Variants in ZMYM3 observed in about 807,000 individuals in gnomAD.
The protein encoded by ZMYM3 is zinc finger MYM-type containing 3, also known as zinc finger MYM-type protein 3.
Under a neutral mutation model 94.2 loss-of-function variants are expected in ZMYM3, and 6 were observed. The ratio of observed to expected loss-of-function variants is 0.06; its 90% CI spans 0.03 to 0.13. The LOEUF is 0.13. Among genes scored for constraint, ZMYM3 ranks in the 10% least tolerant of loss-of-function variants. The pLI is 1.00. For missense variants in ZMYM3, 664 were observed against 1,132.6 expected (o/e 0.59, Z 5.94); for synonymous variants, 420 against 426.5 (o/e 0.98, Z 0.19).
chrX:71,254,699 C>G (rs1028069924), upstream of ZMYM3: 1 of 110,312 alleles, frequency 9.1e-6, no homozygotes, highest in Non-Finnish European at 1.9e-5. Flanking sequence ...TACCCTCCCC[C>G]ATCCCCACCT....
In ZMYM3 at chrX:71,247,913, A is replaced by C; in HGVS notation, c.1976-7T>G. The C allele has an allele frequency of 1.7e-6, 2 of 1,179,868 alleles. No homozygotes were observed. The highest frequency in any genetic ancestry group is 2.4e-5 in the Admixed American group (1 of 41,241). On this transcript the variant is annotated splice_region_variant and splice_polypyrimidine_tract_variant and intron_variant, in intron 11 of 24. Coordinates refer to ENST00000314425, the MANE Select transcript of ZMYM3 (RefSeq NM_201599.3). ...TTGTACAGCAGCACACAGCCTGGAA[A>C]GAGGAGAAGAGGAAAGAGAGTCCAG...
rs2030552283 is a variant in ZMYM3 at position 71,252,770 on chromosome X, G to A, written c.486C>T (p.Thr162=). ...LQSPHIEEEE[T]TSIATARRGS... ...CCCTTCTTGCAGTAGCTATGGAGGT[G>A]GTCTCCTCCTCTTCAATATGTGGGG... The change falls in exon 2 of 25, where the codon ACC becomes ACT. Residue 162 remains threonine (T), a synonymous_variant. Coordinates refer to ENST00000314425, the MANE Select transcript of ZMYM3 (RefSeq NM_201599.3). 8.3e-7 allele frequency: 1 copy of A among 1,210,515 alleles called. No individual in the cohort carries two copies. Among genetic ancestry groups the A allele is most frequent in the African/African-American group, 1.7e-5 (1 of 57,370 alleles).
chrX:71,245,251 G>A, intron 18 of ZMYM3, 88 bp downstream of exon 18: 1 of 1,125,509 alleles, frequency 8.9e-7, no homozygotes, highest in Non-Finnish European at 1.2e-6. Flanking sequence ...ACACTTTTCA[G>A]GGTCATGCTC....
In ZMYM3 at chrX:71,245,851, AC is replaced by A. The variant is rs779087607; in HGVS notation, c.2686-10del. 1.0e-5 allele frequency: 12 copies of A among 1,204,186 alleles called. No individual in the cohort carries two copies. In the Admixed American group the frequency reaches 1.8e-4, roughly 18 times the overall value. On this transcript the variant is annotated splice_polypyrimidine_tract_variant and intron_variant, in intron 16 of 24. Transcript: ENST00000314425. Reference sequence around the variant, plus strand: ...AACATGGGCACAGGCACCTGGAGGCACGAATCCCAACTAAATGCCAAGAACC... The same window carrying A: ...AACATGGGCACAGGCACCTGGAGGCAGAATCCCAACTAAATGCCAAGAACC...
chrX:71,246,476 T>TGGGGGGTG lies in ZMYM3; in HGVS notation c.2448_2449insCACCCCCC (p.Thr817HisfsTer25). On this transcript the variant is annotated frameshift_variant, in exon 15 of 25. Coordinates refer to ENST00000314425, the MANE Select transcript of ZMYM3 (RefSeq NM_201599.3). LOFTEE classifies it high-confidence loss of function. ...GCTGGGGGTGGTGGGGGTGGAGGGG[T>TGGGGGGTG]GGGAGCAGTGGGAGCTGATCGGGTC... 1 of 100,744 alleles carries TGGGGGGTG rather than the reference T, an allele frequency of 9.9e-6. No homozygotes were observed. The highest frequency in any genetic ancestry group is 1.8e-5 in the Non-Finnish European group (1 of 56,505). The allele number at this position is 100,744 out of a possible 1,213,427, so 8.3% of individuals were successfully genotyped here.
In ZMYM3 at chrX:71,250,435, T is replaced by C. The variant is rs1042262031; in HGVS notation, c.1070A>G (p.Lys357Arg). ...AGCCCCCAAGACCCTCACGCACTTC[T>C]TGCAGAAGGTACAGGTCTTTTTGCC... ...PSGKKTCTFC[K>R]KEIWNTKDSV... The change falls in exon 5 of 25, where the codon AAG (lysine) becomes AGG (arginine). Residue 357 changes from lysine (K) to arginine (R), a missense_variant. Lys to Arg is a conservative substitution (Grantham distance 26, BLOSUM62 2). This residue lies in a region of ZMYM3 where 51 missense variants were observed against 53.0 expected (regional missense o/e 0.96). Transcript: ENST00000314425. 16 of 1,204,410 alleles carry C rather than the reference T, an allele frequency of 1.3e-5. No individual in the cohort carries two copies. Among genetic ancestry groups the C allele is most frequent in the Non-Finnish European group, 1.1e-6 (1 of 891,901 alleles).
chrX:71,249,041 T>G lies in ZMYM3; in HGVS notation c.1599A>C (p.Lys533Asn). 8.3e-7 allele frequency: 1 copy of G among 1,211,508 alleles called. No homozygotes were observed. The highest frequency in any genetic ancestry group is 1.1e-6 in the Non-Finnish European group (1 of 895,482). ...FCSLCCTTSY[K>N]VKQAGLTGPP... ...TACCAGTGAGCCCTGCCTGCTTCAC[T>G]TTGTAAGAAGTGGTACAGCACAGGG... Residue 533 changes from lysine to asparagine, a missense_variant, in exon 8 of 25, where the codon AAA becomes AAC. By Grantham distance (94) the Lys-to-Asn change is moderately conservative. This residue lies in a region of ZMYM3 where 159 missense variants were observed against 313.0 expected (regional missense o/e 0.51). Transcript: ENST00000314425.
At chrX:71,242,494 A>G in intron 22 of ZMYM3, 70 bp from the exon 23 acceptor site, 1 of 1,154,409 alleles carries the variant, frequency 8.7e-7, no homozygotes, top group Non-Finnish European at 1.2e-6. Flanking sequence ...TTCCCATCCC[A>G]TGTGCCCTGC....
At position 71,248,182 on chromosome X, in the gene ZMYM3, T is replaced by G. The variant is rs1280468311; in HGVS notation, c.1955A>C (p.Glu652Ala). 1 of 1,210,514 alleles carries G rather than the reference T, an allele frequency of 8.3e-7. No individual in the cohort carries two copies. Among genetic ancestry groups the G allele is most frequent in the Non-Finnish European group, 1.1e-6 (1 of 894,856 alleles). ...CTTACCTTCGCTGCAGAAGCTTTTCTCCACTCCGCTGAATCGGAGTTTCTC... is the reference window on the plus strand; with the variant it reads ...CTTACCTTCGCTGCAGAAGCTTTTCGCCACTCCGCTGAATCGGAGTTTCTC... Reference protein sequence around the residue: ...LHEKLRFSGVEKSFCSEGCVL... With the variant: ...LHEKLRFSGVAKSFCSEGCVL... The change falls in exon 11 of 25, where the codon GAG becomes GCG. Residue 652 changes from glutamate to alanine, a missense_variant. Physicochemically the swap from Glu to Ala is moderately radical, Grantham distance 107. Around this residue, in one of 9 missense-constraint regions of ZMYM3, gnomAD observed 159 missense variants for 313.0 expected, o/e 0.51. Coordinates refer to ENST00000314425, the MANE Select transcript of ZMYM3 (RefSeq NM_201599.3).
At position 71,240,338 on chromosome X, in the gene ZMYM3, G is replaced by A. The variant is rs1333773922; in HGVS notation, c.*578C>T. ...GGTGAGGGATATGCGGTGGTGAGAT[G>A]GTGCCAACAACCAATTATTTCATAG... On this transcript the variant is annotated 3_prime_UTR_variant, in exon 25 of 25. Transcript: ENST00000314425. 3.6e-5 allele frequency: 4 copies of A among 112,131 alleles called. No individual in the cohort carries two copies. The highest frequency in any genetic ancestry group is 1.3e-4 in the African/African-American group (4 of 30,702). 9.2% of individuals were successfully genotyped at this position (112,131 alleles called of 1,213,427 possible).
chrX:71,251,317 G>A (rs1482489670), intron 3 of ZMYM3, 73 bp from the exon 4 acceptor site: 3 of 1,028,505 alleles, frequency 2.9e-6, no homozygotes, highest in Non-Finnish European at 4.1e-6. Context: ...AGGGTTTGGG[G>A]GGGGATAGAA....
chrX:71,246,523 A>G lies in ZMYM3; in HGVS notation c.2413-11T>C, dbSNP rs1264044691. On this transcript the variant is annotated splice_polypyrimidine_tract_variant and intron_variant, in intron 14 of 24. Transcript: ENST00000314425. The stretch of plus-strand genomic sequence containing the variant: ...GGTCTTCACAGGGATCTGCAAAGAC[A>G]GAGGAACATTTGTGCCACCAACCGC... 3.4e-6 allele frequency: 4 copies of G among 1,186,858 alleles called. No homozygotes were observed. Among genetic ancestry groups the G allele is most frequent in the African/African-American group, 1.8e-5 (1 of 56,728 alleles).
rs1360861972 is a variant in ZMYM3 at position 71,242,393 on chromosome X, G to A, written c.3579C>T (p.His1193=). 5 of 1,211,187 alleles carry A rather than the reference G, an allele frequency of 4.1e-6. No individual in the cohort carries two copies. The highest frequency in any genetic ancestry group is 2.2e-5 in the Admixed American group (1 of 45,992). The change falls in exon 23 of 25, where the codon CAC becomes CAT. Residue 1193 remains histidine, a synonymous_variant. Transcript: ENST00000314425. ...CCCCCAGTTGCTTACACTCCCAGAGGTGCTCCTCCTCCACTCGAGAGAACA... is the reference window on the plus strand; with the variant it reads ...CCCCCAGTTGCTTACACTCCCAGAGATGCTCCTCCTCCACTCGAGAGAACA... The part of the protein sequence containing the change: ...NTVFSRVEEE[H]LWECKQLGVY...
Position 71,246,591 on chromosome X carries a change from C to T in ZMYM3, c.2412+4G>A, listed in dbSNP as rs2272779. 4.2e-4 allele frequency: 505 copies of T among 1,208,390 alleles called. 6 individuals carry two copies. The East Asian group carries it at 0.013, about 32-fold the overall frequency. ...TTATCCTCCCCCTTGGCTTTTGCCC[C>T]GACCTTGCCCAAATTCCCATTTTCC... On this transcript the variant is annotated splice_donor_region_variant and intron_variant, in intron 14 of 24. Transcript: ENST00000314425.
chrX:71,250,498 G>A lies in ZMYM3; in HGVS notation c.1007C>T (p.Ser336Leu), dbSNP rs1224996349. 8.3e-7 allele frequency: 1 copy of A among 1,211,337 alleles called. No homozygotes were observed. The change falls in exon 5 of 25, where the codon TCG becomes TTG. Residue 336 changes from serine to leucine, a missense_variant. Ser to Leu is a moderately radical substitution (Grantham distance 145, BLOSUM62 -2). Transcript: ENST00000314425. ...QRKGLPQLFC[S>L]SSCLTTFSKK... Reference sequence around the variant, plus strand: ...GGAGAAAGTGGTGAGGCAGGATGACGAGCAGAAGAGCTGAGGCAGCCCCTT... The same window carrying A: ...GGAGAAAGTGGTGAGGCAGGATGACAAGCAGAAGAGCTGAGGCAGCCCCTT...
At chrX:71,242,471 C>T (rs1205124851) in intron 22 of ZMYM3, 47 bp from the exon 23 acceptor site, 1 of 1,190,561 alleles carries the variant, frequency 8.4e-7, no homozygotes, top group Non-Finnish European at 1.1e-6. Flanking sequence ...AGTGGCTACC[C>T]AAACCCAACC....
chrX:71,244,621 A>G, intron 19 of ZMYM3, 151 bp from the exon 20 acceptor site: 1 of 841,188 alleles, frequency 1.2e-6, no homozygotes, highest in African/African-American at 2.0e-5. Context: ...AACAGCTTTG[A>G]TGACCTTGTG....
intron 13 of ZMYM3, 25 bp from the exon 14 acceptor site, chrX:71,246,717 T>A (rs1348455541): frequency 8.4e-7 from 1 of 1,185,593 alleles, no homozygotes. Flanking sequence ...AAATGAATGC[T>A]CTCATCCAAG....
rs754767161 is a variant in ZMYM3, at chrX:71,253,075, C to G, written c.181G>C (p.Asp61His). The G allele has an allele frequency of 2.5e-6, 3 of 1,200,029 alleles. No homozygotes were observed. Among genetic ancestry groups the G allele is most frequent in the Non-Finnish European group, 1.1e-6 (1 of 889,511 alleles). Residue 61 changes from aspartate to histidine, a missense_variant, in exon 2 of 25, where the codon GAT becomes CAT. Physicochemically the swap from Asp to His is moderately conservative, Grantham distance 81 (BLOSUM62 -1). Coordinates refer to ENST00000314425, the MANE Select transcript of ZMYM3 (RefSeq NM_201599.3). ...TCTTTTTCCAGGCCAGCAGGGGTAT[C>G]AAGCAGGTCCAGGGCTCCCGAGGAT... Reference protein sequence around the residue: ...SPSSGALDLLDTPAGLEKDPG... With the variant: ...SPSSGALDLLHTPAGLEKDPG...
Sources: gnomAD v4.1 joint callset for allele counts on GRCh38, gnomAD v4.1.1 for gene constraint, gnomAD v4.1.1 regional missense constraint, MANE v1.5 for transcripts, NCBI Gene and HGNC (gene_info 2026-07-23, HGNC 2026-07-21) for gene names.